NCOR1: variants seen among roughly 807,000 people sequenced by gnomAD.
NCOR1 encodes the protein nuclear receptor corepressor 1.
NCOR1 carries 63 observed loss-of-function variants against 288.1 expected under a neutral mutation model. The observed-to-expected ratio is 0.22, with a 90% CI of 0.18 to 0.27. The LOEUF is 0.27. Ranked by LOEUF, NCOR1 falls within the 10% of genes least tolerant of loss-of-function variation. The probability of loss-of-function intolerance (pLI) is 1.00; values close to 1 mark genes in which losing one functional copy is unlikely to be tolerated. For missense variants in NCOR1, 2,397 were observed against 3,019.2 expected (o/e 0.79, Z 4.83); for synonymous variants, 1,007 against 1,065.9 (o/e 0.94, Z 1.08).
At chr17:16,053,988 A>T (rs2152515682) in intron 40 of NCOR1, among the ~76,000 whole-genome samples, 1 of 151,770 alleles carries the variant, frequency 6.6e-6, no homozygotes, top group East Asian at 1.9e-4. Flanking sequence ...ACTGGCTATC[A>T]CATGCAGAAG....
intron 2 of NCOR1, among the ~76,000 whole-genome samples, chr17:16,189,390 T>C (rs1027569154): frequency 1.3e-5 from 2 of 151,550 alleles, no homozygotes; most frequent in Non-Finnish European, 2.9e-5. Context: ...TGAGACTCTG[T>C]CTCAAAAAAT....
rs2067641641 is a variant in NCOR1 at position 16,101,591 on chromosome 17, C to A, written c.2349G>T (p.Gln783His). Residue 783 changes from glutamine (Q) to histidine (H), a missense_variant, in exon 20 of 46, where the codon CAG becomes CAT. Gln to His is a conservative substitution (Grantham distance 24). Coordinates refer to ENST00000268712, the MANE Select transcript of NCOR1 (RefSeq NM_006311.4). The part of the protein sequence containing the change: ...KPAEDESVET[Q>H]VNDSISAETA... ...TCTCAGCACTGATGCTGTCATTCAC[C>A]TGGGTCTCCACACTTTCATCTTCAG... 1 of 1,614,174 alleles carries A rather than the reference C, an allele frequency of 6.2e-7. No homozygotes were observed. Among genetic ancestry groups the A allele is most frequent in the East Asian group, 2.2e-5 (1 of 44,888 alleles).
At chr17:16,066,176 A>G (rs956400354) in intron 32 of NCOR1, among the ~76,000 whole-genome samples, 11 of 152,226 alleles carry the variant, frequency 7.2e-5, no homozygotes, top group Non-Finnish European at 1.0e-4. Context: ...AACTTTTGAC[A>G]TAAAGGGCCA....
At chr17:16,083,558 A>G (rs1282496564) in intron 23 of NCOR1, among the ~76,000 whole-genome samples, 1 of 151,806 alleles carries the variant, frequency 6.6e-6, no homozygotes, top group East Asian at 1.9e-4. Flanking sequence ...TCCCAACAAA[A>G]ATCCCAGCAG....
intron 6 of NCOR1, among the ~76,000 whole-genome samples, chr17:16,155,619 A>C (rs1384542381): frequency 6.6e-6 from 1 of 152,180 alleles, no homozygotes; most frequent in Non-Finnish European, 1.5e-5. Flanking sequence ...CAACTTTAAA[A>C]TTAACACGTT....
chr17:16,177,728 G>A (rs543024525), intron 3 of NCOR1, among the ~76,000 whole-genome samples: 126 of 152,220 alleles, frequency 8.3e-4, no homozygotes, highest in African/African-American at 3.0e-3. Context: ...TCACTTTACA[G>A]AATGGCACAT....
chr17:16,079,590 C>G (rs1037386756), intron 26 of NCOR1, among the ~76,000 whole-genome samples: 1 of 152,202 alleles, frequency 6.6e-6, no homozygotes, highest in Non-Finnish European at 1.5e-5. Context: ...TGAGATTCTA[C>G]AACTACATCT....
chr17:16,058,483 T>C lies in NCOR1; in HGVS notation c.5998A>G (p.Asn2000Asp), dbSNP rs1210461134. ...QTYQPEVVKANQAENDPTRQY... is the reference protein window; with the variant it reads ...QTYQPEVVKADQAENDPTRQY... ...TAAGAAGACATACTTTCCGCTTGAT[T>C]TGCCTTAACAACCTCTGGCTGATAG... Residue 2000 changes from asparagine to aspartate, a missense_variant, in exon 38 of 46, where the codon AAT (asparagine) becomes GAT (aspartate). Transcript: ENST00000268712. The C allele has an allele frequency of 6.2e-7, 1 of 1,612,582 alleles. No individual in the cohort carries two copies. The highest frequency in any genetic ancestry group is 8.5e-7 in the Non-Finnish European group (1 of 1,179,668).
At chr17:16,130,978 C>T (rs1168208769) in intron 14 of NCOR1, among the ~76,000 whole-genome samples, 1 of 149,164 alleles carries the variant, frequency 6.7e-6, no homozygotes, top group Non-Finnish European at 1.5e-5. Context: ...CATAAGCCAC[C>T]GCACCTGGAA....
intron 42 of NCOR1, among the ~76,000 whole-genome samples, chr17:16,044,035 G>T (rs1430847540): frequency 1.3e-5 from 2 of 152,020 alleles, no homozygotes; most frequent in Non-Finnish European, 2.9e-5. Flanking sequence ...CGGATATGGT[G>T]GCTGGTGCCT....
At chr17:16,207,983 G>A (rs981944694) in intron 1 of NCOR1, among the ~76,000 whole-genome samples, 1 of 150,216 alleles carries the variant, frequency 6.7e-6, no homozygotes, top group African/African-American at 2.4e-5. Flanking sequence ...TCTTTCAAAG[G>A]GAGTCCTGAA....
intron 3 of NCOR1, among the ~76,000 whole-genome samples, chr17:16,173,682 C>A (rs1355430664): frequency 6.6e-6 from 1 of 152,154 alleles, no homozygotes; most frequent in Non-Finnish European, 1.5e-5. Flanking sequence ...GTCATCCCAG[C>A]AGTTTGGGAG....
At chr17:16,086,485 C>A in intron 22 of NCOR1, 43 bp from the exon 23 acceptor site, 1 of 1,559,748 alleles carries the variant, frequency 6.4e-7, no homozygotes, top group Non-Finnish European at 8.8e-7. Flanking sequence ...AGTCCATTTC[C>A]TAGTTTACAA....
chr17:16,120,256 G>A (rs753656341), intron 16 of NCOR1, among the ~76,000 whole-genome samples: 4 of 152,028 alleles, frequency 2.6e-5, no homozygotes, highest in Non-Finnish European at 4.4e-5. Context: ...TGTCTAAACT[G>A]ACCTCCACAA....
In NCOR1 at chr17:16,034,922, C is replaced by T. The variant is rs868185822; in HGVS notation, c.6978G>A (p.Leu2326=). The stretch of plus-strand genomic sequence containing the variant: ...ATTTCCTGCTGTTTGACTTGCTGAT[C>T]AGCTTTGGTTTGCAAACTCCTCCTG... ...PHSGGVCKPK[L]ISKSNSRKSK... is the part of the protein sequence containing the mutation. The change falls in exon 45 of 46, where the codon CTG becomes CTA. Residue 2326 remains leucine, a synonymous_variant. Coordinates refer to ENST00000268712, the MANE Select transcript of NCOR1 (RefSeq NM_006311.4). 3 of 1,614,022 alleles carry T rather than the reference C, an allele frequency of 1.9e-6. No homozygotes were observed. The highest frequency in any genetic ancestry group is 2.2e-5 in the South Asian group (2 of 91,068).
At chr17:16,082,916 T>C (rs959596626) in intron 23 of NCOR1, among the ~76,000 whole-genome samples, 33 of 152,124 alleles carry the variant, frequency 2.2e-4, no homozygotes, top group Admixed American at 8.5e-4. Context: ...AAGACATCCA[T>C]GAAAAACTTA....
intron 6 of NCOR1, among the ~76,000 whole-genome samples, chr17:16,155,682 G>A (rs142841569): frequency 2.0e-5 from 3 of 152,150 alleles, no homozygotes; most frequent in Non-Finnish European, 4.4e-5. Context: ...ATGGTCCCTC[G>A]ATCTCTTAAG....
At chr17:16,092,689 ATATATATTTTTTTTT>A (rs2065573011) in intron 21 of NCOR1, among the ~76,000 whole-genome samples, 9 of 11,054 alleles carry the variant, frequency 8.1e-4, no homozygotes, top group South Asian at 5.7e-3. Context: ...ATATATATAT[ATATATATTTTTTTTT>A]TTTTTTTTTT....
In NCOR1 at chr17:16,086,341, A is replaced by G; in HGVS notation, c.3118T>C (p.Ser1040Pro). The change falls in exon 23 of 46, where the codon TCC becomes CCC. Residue 1040 changes from serine (S) to proline (P), a missense_variant. By Grantham distance (74) the Ser-to-Pro change is moderately conservative. Transcript: ENST00000268712. ...TTTTCTGAAGCCACTGTGGTTTTGGATGACGGGATGAGAGGGGGCGGTGGC... is the reference window on the plus strand; with the variant it reads ...TTTTCTGAAGCCACTGTGGTTTTGGGTGACGGGATGAGAGGGGGCGGTGGC... The part of the protein sequence containing the change: ...TRPPPPLIPS[S>P]KTTVASEKPS... The G allele has an allele frequency of 6.2e-7, 1 of 1,614,138 alleles. No homozygotes were observed. The highest frequency in any genetic ancestry group is 1.1e-5 in the South Asian group (1 of 91,082).
Sources: allele counts gnomAD v4.1 joint callset (sites outside exome capture counted in the v4.1 genomes callset), GRCh38; gene constraint gnomAD v4.1.1; transcripts MANE v1.5; gene names NCBI Gene and HGNC (gene_info 2026-07-23, HGNC 2026-07-21).